Variants in MYO1E observed in about 807,000 individuals in gnomAD.
The protein encoded by MYO1E is myosin IE.
Under a neutral mutation model 151.1 loss-of-function variants are expected in MYO1E, and 68 were observed. The observed-to-expected ratio is 0.45, with a 90% CI of 0.37 to 0.55. The LOEUF (loss-of-function observed/expected upper bound fraction) is 0.55, where lower values mean the gene tolerates loss of function less well. Ranked by LOEUF, MYO1E falls within the 20% of genes least tolerant of loss-of-function variation. The pLI, the probability that MYO1E is intolerant of heterozygous loss-of-function variation, is 0.00. For missense variants in MYO1E, 1,363 were observed against 1,389.3 expected, an observed-to-expected ratio of 0.98 and a Z score of 0.30; for synonymous variants, 601 against 501.7, an observed-to-expected ratio of 1.20 and a Z score of -2.64.
intron 1 of MYO1E, among the ~76,000 whole-genome samples, chr15:59,367,446 T>A (rs1459644301): frequency 6.6e-6 from 1 of 151,466 alleles, no homozygotes; most frequent in Non-Finnish European, 1.5e-5. Flanking sequence ...GAGGAAGGAG[T>A]TGAAGGGTTG....
chr15:59,314,074 T>G (rs1346392697), intron 1 of MYO1E, among the ~76,000 whole-genome samples: 1 of 152,204 alleles, frequency 6.6e-6, no homozygotes, highest in African/African-American at 2.4e-5. Flanking sequence ...GTTGCTTTTC[T>G]TCCTCAATCT....
At chr15:59,336,444 C>T (rs2080729002) in intron 1 of MYO1E, among the ~76,000 whole-genome samples, 1 of 152,044 alleles carries the variant, frequency 6.6e-6, no homozygotes, top group South Asian at 2.1e-4. Context: ...TATTTATGTC[C>T]CTTTAAAACT....
intron 1 of MYO1E, among the ~76,000 whole-genome samples, chr15:59,342,459 T>A (rs959036519): frequency 6.6e-6 from 1 of 152,244 alleles, no homozygotes. Context: ...TTTTAGTAGT[T>A]TCATAGTTTG....
At chr15:59,293,234 G>A (rs773884102) in intron 1 of MYO1E, among the ~76,000 whole-genome samples, 3 of 152,088 alleles carry the variant, frequency 2.0e-5, no homozygotes, top group Non-Finnish European at 4.4e-5. Flanking sequence ...GTTTATTGAG[G>A]GTTCCCTATC....
intron 2 of MYO1E, among the ~76,000 whole-genome samples, chr15:59,269,424 T>C (rs951472196): frequency 3.3e-5 from 5 of 152,248 alleles, no homozygotes; most frequent in African/African-American, 1.2e-4. Context: ...CTGCCAGTTT[T>C]CATGTGCTGT....
intron 2 of MYO1E, among the ~76,000 whole-genome samples, chr15:59,269,266 G>T (rs1281357309): frequency 6.6e-6 from 1 of 152,160 alleles, no homozygotes; most frequent in Non-Finnish European, 1.5e-5. Context: ...TTATGTGGGA[G>T]ATTTTATTAT....
At chr15:59,344,426 C>A (rs115823795) in intron 1 of MYO1E, among the ~76,000 whole-genome samples, 3,077 of 152,190 alleles carry the variant, frequency 0.02, 49 homozygotes, top group Middle Eastern at 0.044. Context: ...GACAAAAGCA[C>A]CCCTATGGCC....
intron 1 of MYO1E, among the ~76,000 whole-genome samples, chr15:59,294,134 G>C (rs1321249474): frequency 6.6e-6 from 1 of 152,142 alleles, no homozygotes; most frequent in Non-Finnish European, 1.5e-5. Context: ...CTTCCACCCT[G>C]ATTGTTCGGT....
intron 1 of MYO1E, among the ~76,000 whole-genome samples, chr15:59,288,296 C>T (rs372363915): frequency 1.8e-4 from 28 of 152,178 alleles, no homozygotes; most frequent in East Asian, 1.2e-3. Flanking sequence ...CTGCCTCGGC[C>T]TACCGAGTAG....
intron 1 of MYO1E, among the ~76,000 whole-genome samples, chr15:59,278,683 GCA>G (rs764567683): frequency 6.6e-6 from 1 of 152,180 alleles, no homozygotes; most frequent in African/African-American, 2.4e-5. Context: ...GGACTTCAGT[GCA>G]CAGAGTACAA....
chr15:59,204,614 G>A (rs1333070477), intron 15 of MYO1E, among the ~76,000 whole-genome samples: 1 of 152,130 alleles, frequency 6.6e-6, no homozygotes, highest in Non-Finnish European at 1.5e-5. Flanking sequence ...AGGCAGAGGT[G>A]GTCTTGAGAG....
intron 1 of MYO1E, among the ~76,000 whole-genome samples, chr15:59,357,902 C>G (rs770003882): frequency 2.5e-4 from 38 of 152,094 alleles, no homozygotes; most frequent in Non-Finnish European, 4.1e-4. Flanking sequence ...AGGGAAACAC[C>G]AAGTGGATGA....
chr15:59,222,988 GA>G, intron 9 of MYO1E, 70 bp downstream of exon 9: 2 of 1,595,810 alleles, frequency 1.3e-6, no homozygotes, highest in East Asian at 4.5e-5. Flanking sequence ...CTAAGCAAAG[GA>G]AAGTGCTAGG....
chr15:59,145,287 G>A (rs567322860), intron 26 of MYO1E, among the ~76,000 whole-genome samples: 2 of 152,216 alleles, frequency 1.3e-5, no homozygotes, highest in African/African-American at 4.8e-5. Context: ...AGACCCGCAT[G>A]CCCACTGTGC....
intron 23 of MYO1E, among the ~76,000 whole-genome samples, chr15:59,162,659 G>GAAAAAAAAAAA (rs56116339): frequency 5.0e-4 from 61 of 120,822 alleles, no homozygotes; most frequent in East Asian, 1.7e-3. Context: ...AAAAAAAAAA[G>GAAAAAAAAAAA]AAAAAAAAAA....
At chr15:59,274,215 G>A (rs1355413398) in intron 1 of MYO1E, among the ~76,000 whole-genome samples, 4 of 152,148 alleles carry the variant, frequency 2.6e-5, no homozygotes, top group African/African-American at 7.2e-5. Flanking sequence ...TGGAAGGCCT[G>A]CCACCCATGC....
At chr15:59,358,685 A>G (rs1395935084) in intron 1 of MYO1E, among the ~76,000 whole-genome samples, 1 of 152,210 alleles carries the variant, frequency 6.6e-6, no homozygotes, top group African/African-American at 2.4e-5. Context: ...GTTTTCAATT[A>G]TTTATATAAA....
chr15:59,145,187 T>A (rs1248690795), intron 26 of MYO1E, among the ~76,000 whole-genome samples: 5 of 152,042 alleles, frequency 3.3e-5, no homozygotes, highest in Non-Finnish European at 7.4e-5. Flanking sequence ...ATTAATGAGG[T>A]CTTCTAGGCA....
At chr15:59,272,521 A>G (rs1251893782) in intron 1 of MYO1E, 72 bp from the exon 2 acceptor site, 4 of 1,467,176 alleles carry the variant, frequency 2.7e-6, no homozygotes, top group Non-Finnish European at 3.8e-6. Context: ...AAATGCTGTT[A>G]ATTTCCCAAA....
Sources: allele counts gnomAD v4.1 joint callset (sites outside exome capture counted in the v4.1 genomes callset), GRCh38; gene constraint gnomAD v4.1.1; transcripts MANE v1.5; gene names NCBI Gene and HGNC (gene_info 2026-07-23, HGNC 2026-07-21).